Variants in PSD3 observed in about 807,000 individuals in gnomAD.
The protein encoded by PSD3 is pleckstrin and Sec7 domain containing 3, also known as PH and SEC7 domain-containing protein 3.
Under a neutral mutation model 105.5 loss-of-function variants are expected in PSD3, and 49 were observed. The ratio of observed to expected loss-of-function variants is 0.46; its 90% CI spans 0.37 to 0.59. PSD3 has a LOEUF of 0.59. PSD3 is among the 20% of genes least tolerant of loss of function. The probability of loss-of-function intolerance (pLI) is 0.00; values close to 1 mark genes in which losing one functional copy is unlikely to be tolerated. For missense variants in PSD3, 1,561 were observed against 1,263.8 expected (o/e 1.24, Z -3.57); for synonymous variants, 557 against 457.8 (o/e 1.22, Z -2.77).
At chr8:18,994,303 T>C (rs1372609995) in intron 1 of PSD3, among the ~76,000 whole-genome samples, 1 of 152,138 alleles carries the variant, frequency 6.6e-6, no homozygotes, top group Non-Finnish European at 1.5e-5. Context: ...TGCATATTTA[T>C]AATTATCTAT....
intron 11 of PSD3, among the ~76,000 whole-genome samples, chr8:18,630,753 G>A (rs1806838302): frequency 6.6e-6 from 1 of 151,796 alleles, no homozygotes. Flanking sequence ...TCAACCAACG[G>A]TGGATGGAAA....
intron 12 of PSD3, among the ~76,000 whole-genome samples, chr8:18,581,200 A>AT (rs1802793768): frequency 6.6e-6 from 1 of 152,240 alleles, no homozygotes; most frequent in East Asian, 1.9e-4. Context: ...GAATGGAATC[A>AT]TTTTAATGTC....
At chr8:18,603,721 G>C (rs769463742) in intron 11 of PSD3, among the ~76,000 whole-genome samples, 1 of 152,168 alleles carries the variant, frequency 6.6e-6, no homozygotes, top group Non-Finnish European at 1.5e-5. Context: ...GAATGGTTTA[G>C]CACCATCCGC....
intron 1 of PSD3, among the ~76,000 whole-genome samples, chr8:19,066,629 C>A (rs1042361768): frequency 2.0e-5 from 3 of 152,226 alleles, no homozygotes; most frequent in Non-Finnish European, 4.4e-5. Flanking sequence ...TACTCATATT[C>A]AGAGGTTATC....
chr8:18,925,416 C>G (rs1057113606), intron 2 of PSD3, among the ~76,000 whole-genome samples: 6 of 151,842 alleles, frequency 4.0e-5, no homozygotes, highest in African/African-American at 1.5e-4. Flanking sequence ...TACACACACA[C>G]ACATATACAT....
intron 1 of PSD3, among the ~76,000 whole-genome samples, chr8:19,048,784 G>T (rs778935059): frequency 6.6e-6 from 1 of 152,184 alleles, no homozygotes; most frequent in Admixed American, 6.5e-5. Context: ...ATTTGGTAGA[G>T]CTCCTTAGGT....
At chr8:18,913,932 T>A (rs1160546835) in intron 2 of PSD3, among the ~76,000 whole-genome samples, 1 of 152,102 alleles carries the variant, frequency 6.6e-6, no homozygotes, top group African/African-American at 2.4e-5. Flanking sequence ...CCCCTGCAGA[T>A]CCATGCTCTG....
chr8:18,976,234 A>G (rs1318850343), intron 1 of PSD3, among the ~76,000 whole-genome samples: 1 of 152,220 alleles, frequency 6.6e-6, no homozygotes, highest in Non-Finnish European at 1.5e-5. Flanking sequence ...TAAAAATAAA[A>G]CTATCCAATA....
At chr8:18,582,425 T>C (rs1036089142) in intron 12 of PSD3, among the ~76,000 whole-genome samples, 6 of 152,194 alleles carry the variant, frequency 3.9e-5, no homozygotes, top group African/African-American at 1.4e-4. Context: ...CCTAGCTGTC[T>C]GGCCACATTG....
At chr8:19,053,930 G>C (rs1320276383) in intron 1 of PSD3, among the ~76,000 whole-genome samples, 1 of 152,220 alleles carries the variant, frequency 6.6e-6, no homozygotes, top group Non-Finnish European at 1.5e-5. Flanking sequence ...CAGTCTTGGA[G>C]TTACAAGACT....
chr8:18,702,822 C>T lies in PSD3; in HGVS notation c.2173-47137G>A, dbSNP rs187335634. ...AGAGACAGGGTTTCACCATGTTAGC[C>T]GGGATGGTCTCGATCTCCTGACCTC... On this transcript the variant is annotated intron_variant, in intron 9 of 15. Transcript: ENST00000327040. 3.6e-3 allele frequency among the ~76,000 whole-genome samples: 548 copies of T among 152,062 alleles called. 5 individuals are homozygous for T. Among genetic ancestry groups the T allele is most frequent in the African/African-American group, 0.012 (508 of 41,468 alleles).
intron 4 of PSD3, among the ~76,000 whole-genome samples, chr8:18,858,479 T>A (rs531922056): frequency 6.6e-6 from 1 of 152,286 alleles, no homozygotes; most frequent in Non-Finnish European, 1.5e-5. Context: ...GTTTGCTGCA[T>A]CAATGGACTC....
chr8:18,779,217 G>C (rs1013094769), intron 8 of PSD3, among the ~76,000 whole-genome samples: 1 of 152,004 alleles, frequency 6.6e-6, no homozygotes. Flanking sequence ...TCTGTTTCCC[G>C]TAGGTTCCAA....
rs78806806 is a variant in PSD3, at chr8:18,875,978, A to G, written c.131-3245T>C. Among the ~76,000 whole-genome samples, 961 of 152,334 alleles carry G rather than the reference A, an allele frequency of 6.3e-3. 9 individuals carry two copies. The highest frequency in any genetic ancestry group is 0.021 in the African/African-American group (890 of 41,566). On this transcript the variant is annotated intron_variant, in intron 2 of 15. Transcript: ENST00000327040. The stretch of plus-strand genomic sequence containing the variant: ...ATGGTCTATCCTGGACACTTCATAT[A>G]AATGCAATCATACAATATATGGCAT...
At chr8:18,942,185 A>G (rs942721535) in intron 1 of PSD3, among the ~76,000 whole-genome samples, 2 of 152,242 alleles carry the variant, frequency 1.3e-5, no homozygotes, top group Non-Finnish European at 2.9e-5. Context: ...TTTCAACTTC[A>G]GTATGATTTT....
intron 4 of PSD3, among the ~76,000 whole-genome samples, chr8:18,832,328 T>C (rs914653831): frequency 2.6e-5 from 4 of 152,176 alleles, no homozygotes; most frequent in Admixed American, 6.5e-5. Context: ...CTTTTTTTTT[T>C]CAAATTCCTC....
chr8:18,844,033 T>C (rs1339566291), intron 4 of PSD3, among the ~76,000 whole-genome samples: 1 of 152,068 alleles, frequency 6.6e-6, no homozygotes, highest in Non-Finnish European at 1.5e-5. Flanking sequence ...GTTCTGTCCA[T>C]TGGGTTTTGA....
intron 8 of PSD3, among the ~76,000 whole-genome samples, chr8:18,778,431 C>G (rs116463147): frequency 0.012 from 1,855 of 152,130 alleles, 37 homozygotes; most frequent in African/African-American, 0.042. Context: ...TTGAATTCCC[C>G]TTTTCAAACG....
chr8:18,793,122 CAAT>C (rs1809878679), intron 8 of PSD3, among the ~76,000 whole-genome samples: 1 of 152,026 alleles, frequency 6.6e-6, no homozygotes, highest in Non-Finnish European at 1.5e-5. Flanking sequence ...GGGAACTGAA[CAAT>C]GAGAACACTT....
Sources: allele counts gnomAD v4.1 joint callset (sites outside exome capture counted in the v4.1 genomes callset), GRCh38; gene constraint gnomAD v4.1.1; transcripts MANE v1.5; gene names NCBI Gene and HGNC (gene_info 2026-07-23, HGNC 2026-07-21).